The following FAM184A variants were observed in gnomAD, a reference collection of about 807,000 sequenced individuals.
FAM184A encodes family with sequence similarity 184 member A.
A neutral mutation model predicts 143.8 loss-of-function variants in FAM184A; 99 were observed. The ratio of observed to expected loss-of-function variants is 0.69; its 90% CI spans 0.58 to 0.81. FAM184A has a LOEUF of 0.81. Ranked by LOEUF, FAM184A falls within the 40% of genes least tolerant of loss-of-function variation. FAM184A has a pLI of 0.00. For missense variants in FAM184A, 1,217 were observed against 1,310.5 expected (o/e 0.93, Z 1.10); for synonymous variants, 427 against 446.4 (o/e 0.96, Z 0.55).
intron 1 of FAM184A, among the ~76,000 whole-genome samples, chr6:119,046,067 T>C (rs1421516248): frequency 1.3e-5 from 2 of 152,052 alleles, no homozygotes; most frequent in Non-Finnish European, 2.9e-5. Context: ...TCCTTTATCT[T>C]ATTACAACTG....
chr6:119,065,465 C>T (rs1787414784), intron 1 of FAM184A, among the ~76,000 whole-genome samples: 1 of 152,202 alleles, frequency 6.6e-6, no homozygotes, highest in African/African-American at 2.4e-5. Flanking sequence ...TAAACACTTG[C>T]TGTTTTAAGC....
At chr6:119,112,393 G>T (rs1788956493) in intron 1 of FAM184A, among the ~76,000 whole-genome samples, 1 of 152,318 alleles carries the variant, frequency 6.6e-6, no homozygotes, top group East Asian at 1.9e-4. Context: ...CTCCCAAAGT[G>T]CTGGGATTAC....
At position 118,961,835 on chromosome 6, in the gene FAM184A, G is replaced by C. The variant is rs1783335806; in HGVS notation, c.3267C>G (p.Val1089=). The change falls in exon 17 of 18, where the codon GTC becomes GTG. Residue 1089 remains valine (V), a synonymous_variant. Transcript: ENST00000338891. ...NRLDPIPNSP[V]HDIEFNSSKP... Reference sequence around the variant, plus strand: ...TGCTGCTGTTGAACTCAATATCGTGGACTGGAGAATTAGGAATGGGATCCA... The same window carrying C: ...TGCTGCTGTTGAACTCAATATCGTGCACTGGAGAATTAGGAATGGGATCCA... 6.2e-7 allele frequency: 1 copy of C among 1,613,814 alleles called. No individual in the cohort carries two copies. The highest frequency in any genetic ancestry group is 8.5e-7 in the Non-Finnish European group (1 of 1,179,912).
chr6:119,020,077 A>T lies in FAM184A; in HGVS notation c.1233T>A (p.Asn411Lys), dbSNP rs749627385. 6.2e-7 allele frequency: 1 copy of T among 1,610,192 alleles called. No individual in the cohort carries two copies. Among genetic ancestry groups the T allele is most frequent in the Non-Finnish European group, 8.5e-7 (1 of 1,178,932 alleles). Residue 411 changes from asparagine to lysine, a missense_variant, in exon 4 of 18, where the codon AAT becomes AAA. Transcript: ENST00000338891. ...CCTCTTCAAGTTGAGATAATCTCTCATTGACTCTCGATTTTTCTGATTCTA... is the reference window on the plus strand; with the variant it reads ...CCTCTTCAAGTTGAGATAATCTCTCTTTGACTCTCGATTTTTCTGATTCTA... ...KDLESEKSRV[N>K]ERLSQLEEER...
chr6:118,996,905 T>C (rs1784580451), intron 9 of FAM184A, among the ~76,000 whole-genome samples: 1 of 151,088 alleles, frequency 6.6e-6, no homozygotes, highest in South Asian at 2.1e-4. Context: ...TTGTACTTTT[T>C]GTAGAGACAG....
At chr6:119,147,569 C>T (rs1194632159) in intron 1 of FAM184A, among the ~76,000 whole-genome samples, 1 of 152,136 alleles carries the variant, frequency 6.6e-6, no homozygotes, top group Non-Finnish European at 1.5e-5. Flanking sequence ...ACTCTCTGTA[C>T]CAGAGAAGGA....
chr6:119,023,091 T>A lies in FAM184A; in HGVS notation c.1015-11A>T, dbSNP rs201591246. ...CTGTTTTTGAAGAACCTAAGAAAGATTAAATAGCCATTGTTAAAATGCAGG... is the reference window on the plus strand; with the variant it reads ...CTGTTTTTGAAGAACCTAAGAAAGAATAAATAGCCATTGTTAAAATGCAGG... On this transcript the variant is annotated splice_polypyrimidine_tract_variant and intron_variant, in intron 2 of 17. Transcript: ENST00000338891. 4.4e-4 allele frequency: 714 copies of A among 1,613,712 alleles called. 12 individuals are homozygous for A. In the South Asian group the frequency reaches 7.1e-3, roughly 16 times the overall value.
intron 1 of FAM184A, among the ~76,000 whole-genome samples, chr6:119,102,190 C>T (rs1788655196): frequency 6.6e-6 from 1 of 152,130 alleles, no homozygotes; most frequent in Admixed American, 6.6e-5. Context: ...AGATTGTTTT[C>T]CATCCCTCAT....
chr6:119,027,121 A>G (rs188185530), intron 1 of FAM184A, among the ~76,000 whole-genome samples: 54 of 152,262 alleles, frequency 3.5e-4, no homozygotes, highest in Non-Finnish European at 6.8e-4. Context: ...ACCAATTGCC[A>G]ATCAGGAAAT....
intron 1 of FAM184A, among the ~76,000 whole-genome samples, chr6:119,035,241 G>A (rs1786065430): frequency 6.9e-6 from 1 of 145,406 alleles, no homozygotes; most frequent in African/African-American, 2.6e-5. Flanking sequence ...TTGGCCAAGA[G>A]CATTCCAAAG....
At chr6:119,081,853 T>A (rs1450034355), upstream of FAM184A, among the ~76,000 whole-genome samples, 4 of 152,200 alleles carry the variant, frequency 2.6e-5, no homozygotes, top group African/African-American at 9.6e-5. Flanking sequence ...TGTGTGACCC[T>A]CCACTGATGT....
At chr6:118,985,644 G>T (rs1205476808) in intron 9 of FAM184A, among the ~76,000 whole-genome samples, 5 of 152,080 alleles carry the variant, frequency 3.3e-5, no homozygotes, top group African/African-American at 1.2e-4. Context: ...TTCCCAGTTG[G>T]CTGCCTGGGT....
rs143110278 is a variant in FAM184A at position 119,000,928 on chromosome 6, G to T, written c.2088+1971C>A. Among the ~76,000 whole-genome samples, 218 of 151,468 alleles carry T rather than the reference G, an allele frequency of 1.4e-3. 2 individuals are homozygous for T. The East Asian group carries it at 0.036, about 25-fold the overall frequency. On this transcript the variant is annotated intron_variant, in intron 9 of 17. Transcript: ENST00000338891. Reference sequence around the variant, plus strand: ...GTGAAAGGGTCCTAGGGGTAGGGCTGGGGGTGGAGGTTATGGGGAACAGGG... The same window carrying T: ...GTGAAAGGGTCCTAGGGGTAGGGCTTGGGGTGGAGGTTATGGGGAACAGGG...
At chr6:118,969,060 A>G (rs930214597) in intron 14 of FAM184A, among the ~76,000 whole-genome samples, 1 of 152,182 alleles carries the variant, frequency 6.6e-6, no homozygotes, top group Middle Eastern at 3.2e-3. Context: ...TCCCCATGCT[A>G]TTCTCATGAC....
intron 2 of FAM184A, 126 bp downstream of exon 2, chr6:119,023,822 TAAAAAAAAAAA>T (rs11353751): frequency 2.4e-6 from 1 of 415,654 alleles, no homozygotes; most frequent in Non-Finnish European, 3.9e-6. Flanking sequence ...CAGGAAAAGT[TAAAAAAAAAAA>T]AAAAAAAAAG....
chr6:118,978,067 G>C (rs747883562), intron 11 of FAM184A, among the ~76,000 whole-genome samples: 1 of 152,078 alleles, frequency 6.6e-6, no homozygotes, highest in South Asian at 2.1e-4. Context: ...AGATTCAAGC[G>C]ATTCTCCCGC....
intron 11 of FAM184A, 127 bp from the exon 12 acceptor site, chr6:118,976,171 A>G: frequency 1.2e-6 from 1 of 838,106 alleles, no homozygotes; most frequent in Admixed American, 2.9e-5. Context: ...TTAAATTAAT[A>G]GATTATAAAC....
chr6:118,962,404 T>A (rs1783360320), intron 16 of FAM184A: 1 of 157,520 alleles, frequency 6.3e-6, no homozygotes, highest in Admixed American at 6.1e-5. Context: ...AATTTAGCCA[T>A]CTGTCAAAGG....
chr6:119,106,574 T>C (rs1788789932), intron 1 of FAM184A, among the ~76,000 whole-genome samples: 1 of 152,262 alleles, frequency 6.6e-6, no homozygotes, highest in African/African-American at 2.4e-5. Context: ...GTTTAACTTT[T>C]ATAACTAGAG....
Sources: allele counts gnomAD v4.1 joint callset (sites outside exome capture counted in the v4.1 genomes callset), GRCh38; gene constraint gnomAD v4.1.1; transcripts MANE v1.5; gene names NCBI Gene and HGNC (gene_info 2026-07-23, HGNC 2026-07-21).